The following LRP11 variants were observed in gnomAD, a reference collection of about 807,000 sequenced individuals.
LRP11 encodes low-density lipoprotein receptor-related protein 11.
In LRP11, 25 loss-of-function variants were observed where a neutral mutation model predicts 43.1. The observed-to-expected ratio is 0.58, with a 90% CI of 0.42 to 0.81. The LOEUF is 0.81. LRP11 is among the 30% of genes least tolerant of loss of function. The pLI is 0.00. For missense variants in LRP11, 623 were observed against 665.1 expected, an observed-to-expected ratio of 0.94 and a Z score of 0.70; for synonymous variants, 316 against 299.4, an observed-to-expected ratio of 1.06 and a Z score of -0.57.
intron 3 of LRP11, among the ~76,000 whole-genome samples, chr6:149,838,045 G>A (rs530627440): frequency 3.1e-4 from 47 of 152,072 alleles, no homozygotes; most frequent in Non-Finnish European, 6.0e-4. Context: ...AGCCTCTGGA[G>A]TAGCTGGGAC....
At chr6:149,833,232 C>T (rs1024892353) in intron 5 of LRP11, among the ~76,000 whole-genome samples, 32 of 152,214 alleles carry the variant, frequency 2.1e-4, no homozygotes, top group African/African-American at 6.3e-4. Context: ...CCACCGTGCC[C>T]GGCCAATAAT....
At chr6:149,855,842 C>G (rs1379477539) in intron 1 of LRP11, among the ~76,000 whole-genome samples, 1 of 152,034 alleles carries the variant, frequency 6.6e-6, no homozygotes, top group Non-Finnish European at 1.5e-5. Context: ...TTAAATAAGC[C>G]AAGTAAACAA....
intron 3 of LRP11, among the ~76,000 whole-genome samples, chr6:149,841,317 A>T (rs1188170005): frequency 6.6e-6 from 1 of 152,194 alleles, no homozygotes. Flanking sequence ...CTGGATCCTG[A>T]GTATTGAATA....
intron 2 of LRP11, among the ~76,000 whole-genome samples, chr6:149,843,865 T>G (rs1776589091): frequency 6.6e-6 from 1 of 152,152 alleles, no homozygotes; most frequent in Non-Finnish European, 1.5e-5. Context: ...ATGTAGCTGC[T>G]TTCCCCACCA....
intron 4 of LRP11, among the ~76,000 whole-genome samples, chr6:149,836,588 A>G (rs1776474725): frequency 6.6e-6 from 1 of 152,162 alleles, no homozygotes; most frequent in South Asian, 2.1e-4. Flanking sequence ...AGAAGTAGGC[A>G]ATCACTTGAG....
At position 149,843,013 on chromosome 6, in the gene LRP11, T is replaced by C. The variant is rs1427019353; in HGVS notation, c.883A>G (p.Thr295Ala). The C allele has an allele frequency of 6.2e-7, 1 of 1,614,228 alleles. No individual in the cohort carries two copies. The highest frequency in any genetic ancestry group is 8.5e-7 in the Non-Finnish European group (1 of 1,180,042). The change falls in exon 3 of 7, where the codon ACA becomes GCA. Residue 295 changes from threonine (T) to alanine (A), a missense_variant. Physicochemically the swap from Thr to Ala is moderately conservative, Grantham distance 58. Transcript: ENST00000239367. ...GQRSSDNVSV[T>A]VLRAAYSTGG... Reference sequence around the variant, plus strand: ...GTGGAGTAGGCTGCGCGAAGCACTGTCACTGACACGTTGTCAGAGCTTCTC... The same window carrying C: ...GTGGAGTAGGCTGCGCGAAGCACTGCCACTGACACGTTGTCAGAGCTTCTC...
intron 3 of LRP11, among the ~76,000 whole-genome samples, chr6:149,840,660 G>GT (rs1184850489): frequency 1.3e-5 from 2 of 152,156 alleles, no homozygotes; most frequent in African/African-American, 2.4e-5. Flanking sequence ...GGATGACAGG[G>GT]TATCTGTGTC....
At position 149,818,935 on chromosome 6, in the gene LRP11, T is replaced by TTTA. The variant is rs1325140644; in HGVS notation, c.*1611_*1613dup. The TTTA allele has an allele frequency of 1.3e-5, 2 of 152,662 alleles. No homozygotes were observed. The highest frequency in any genetic ancestry group is 2.9e-5 in the Non-Finnish European group (2 of 68,042). The allele number at this position is 152,662 out of a possible 1,614,324, so 9.5% of individuals were successfully genotyped here. ...CTGAAAGCTGCATGCCTCATCAGTT[T>TTTA]TTATTTTATTGGTTATGGCTATAGT... On this transcript the variant is annotated 3_prime_UTR_variant, in exon 7 of 7. Coordinates refer to ENST00000239367, the MANE Select transcript of LRP11 (RefSeq NM_032832.6).
chr6:149,820,581 A>G lies in LRP11; in HGVS notation c.1471T>C (p.Ser491Pro), dbSNP rs781122647. Reference protein sequence around the residue: ...KKARPITSEESDYLINGMYL With the variant: ...KKARPITSEEPDYLINGMYL ...TACATCCCATTTATGAGGTAGTCCG[A>G]TTCCTCAGATGTAATGGGACGAGCT... Residue 491 changes from serine (S) to proline (P), a missense_variant, in exon 7 of 7, where the codon TCG (serine) becomes CCG (proline). Coordinates refer to ENST00000239367, the MANE Select transcript of LRP11 (RefSeq NM_032832.6). 1 of 780,922 alleles carries G rather than the reference A, an allele frequency of 1.3e-6. No individual in the cohort carries two copies. The highest frequency in any genetic ancestry group is 1.7e-5 in the African/African-American group (1 of 59,130). The allele number at this position is 780,922 out of a possible 1,614,324, so 48.4% of individuals were successfully genotyped here. A position where few individuals can be genotyped will look rare whatever the true frequency, so the allele number is the denominator to read the frequency against.
chr6:149,853,059 C>T lies in LRP11; in HGVS notation c.715G>A (p.Ala239Thr), dbSNP rs530000869. ...AGTGCCCACTCATACTGGACGATGG[C>T]GTGGTCATCTGTGCTCTCGCGGCCG... is the stretch of plus-strand genomic sequence containing the variant. ...LDGRESTDDH[A>T]IVQYEWALLQ... Residue 239 changes from alanine to threonine, a missense_variant, in exon 2 of 7, where the codon GCC (alanine) becomes ACC (threonine). Physicochemically the swap from Ala to Thr is moderately conservative, Grantham distance 58 (BLOSUM62 0). Transcript: ENST00000239367. The T allele has an allele frequency of 5.6e-6, 9 of 1,612,396 alleles. No homozygotes were observed. The highest frequency in any genetic ancestry group is 1.7e-4 in the Middle Eastern group (1 of 6,056).
Position 149,827,774 on chromosome 6 carries a change from GC to G in LRP11, c.1253-1416del, listed in dbSNP as rs1213057206. Among the ~76,000 whole-genome samples, 1 of 152,194 alleles carries G rather than the reference GC, an allele frequency of 6.6e-6. No individual in the cohort carries two copies. The highest frequency in any genetic ancestry group is 2.4e-5 in the African/African-American group (1 of 41,442). ...TCTCTTATATGATACCTGATCCCAG[GC>G]CAGGTAGTTCTATAAGATTGTATTA... On this transcript the variant is annotated intron_variant, in intron 5 of 6. Transcript: ENST00000239367. This position sits in a 1 kb window ranked among gnomAD's most constrained non-coding sequence, Gnocchi z 4.2.
chr6:149,822,621 C>T (rs554058444), intron 6 of LRP11, among the ~76,000 whole-genome samples: 1 of 152,188 alleles, frequency 6.6e-6, no homozygotes, highest in African/African-American at 2.4e-5. Context: ...TGGTACTCTA[C>T]TTCTACAAAA....
chr6:149,847,942 AG>A (rs1776663492), intron 2 of LRP11, among the ~76,000 whole-genome samples: 1 of 152,044 alleles, frequency 6.6e-6, no homozygotes, highest in Non-Finnish European at 1.5e-5. Flanking sequence ...TATGTACAGC[AG>A]GTAGGCCAGG....
chr6:149,850,047 G>A (rs1310360196), intron 2 of LRP11, among the ~76,000 whole-genome samples: 5 of 152,182 alleles, frequency 3.3e-5, no homozygotes, highest in Non-Finnish European at 5.9e-5. Context: ...GAGATGAGAG[G>A]AGGGATGAAT....
chr6:149,855,599 C>A (rs1035886200), intron 1 of LRP11, among the ~76,000 whole-genome samples: 2 of 151,972 alleles, frequency 1.3e-5, no homozygotes, highest in African/African-American at 4.8e-5. Flanking sequence ...GGACCTTGAT[C>A]ATCCAGGAAC....
chr6:149,852,516 G>C (rs2115410035), intron 2 of LRP11: 1 of 152,372 alleles, frequency 6.6e-6, no homozygotes, highest in East Asian at 1.9e-4. Context: ...CCGCATGCTG[G>C]CCTCCCTCCC....
intron 2 of LRP11, among the ~76,000 whole-genome samples, chr6:149,852,728 C>A (rs1313415450): frequency 2.0e-5 from 3 of 152,190 alleles, no homozygotes; most frequent in Admixed American, 6.5e-5. Flanking sequence ...AAAGCATGAG[C>A]CTTCTTCCTT....
intron 3 of LRP11, among the ~76,000 whole-genome samples, chr6:149,840,059 T>G (rs1353053908): frequency 1.3e-5 from 2 of 152,200 alleles, no homozygotes; most frequent in African/African-American, 2.4e-5. Context: ...TTTCTAAGCA[T>G]GAAAAATGTT....
intron 2 of LRP11, among the ~76,000 whole-genome samples, chr6:149,851,766 A>G (rs1317862076): frequency 6.6e-6 from 1 of 152,142 alleles, no homozygotes; most frequent in Non-Finnish European, 1.5e-5. Flanking sequence ...AGAGGCTGGG[A>G]AGGATGCTGG....
Sources: allele counts gnomAD v4.1 joint callset (sites outside exome capture counted in the v4.1 genomes callset), GRCh38; gene constraint gnomAD v4.1.1; non-coding constraint Gnocchi (gnomAD v3.1); transcripts MANE v1.5; gene names NCBI Gene and HGNC (gene_info 2026-07-23, HGNC 2026-07-21).